The following GSK3B variants were observed in gnomAD, a reference collection of about 807,000 sequenced individuals.
GSK3B encodes the protein glycogen synthase kinase 3 beta.
A neutral mutation model predicts 56.4 loss-of-function variants in GSK3B; 15 were observed. The observed-to-expected ratio is 0.27, with a 90% CI of 0.18 to 0.41. The LOEUF (loss-of-function observed/expected upper bound fraction) is 0.41. GSK3B is among the 10% of genes least tolerant of loss of function. The pLI, the probability that GSK3B is intolerant of heterozygous loss-of-function variation, is 1.00. For missense variants in GSK3B, 300 were observed against 513.4 expected (o/e 0.58, Z 4.02); for synonymous variants, 181 against 188.9 (o/e 0.96, Z 0.34).
intron 6 of GSK3B, among the ~76,000 whole-genome samples, chr3:119,911,521 TCTC>T (rs1287721040): frequency 6.6e-6 from 1 of 152,030 alleles, no homozygotes; most frequent in African/African-American, 2.4e-5. Context: ...CAATGACACT[TCTC>T]CTCTCTAGAA....
intron 10 of GSK3B, among the ~76,000 whole-genome samples, chr3:119,831,057 C>A (rs2055590156): frequency 6.6e-6 from 1 of 152,198 alleles, no homozygotes; most frequent in Admixed American, 6.5e-5. Flanking sequence ...GCAGTCATGT[C>A]ATTTAGCTCA....
intron 9 of GSK3B, among the ~76,000 whole-genome samples, chr3:119,854,705 G>A (rs753425997): frequency 2.6e-4 from 39 of 152,278 alleles, no homozygotes; most frequent in Middle Eastern, 3.4e-3. Flanking sequence ...GTTTATTTGC[G>A]TAGAAGTGTT....
chr3:120,015,440 G>C (rs1159460158), intron 1 of GSK3B, among the ~76,000 whole-genome samples: 1 of 151,820 alleles, frequency 6.6e-6, no homozygotes, highest in East Asian at 1.9e-4. Flanking sequence ...CATGAGGTCA[G>C]GAGTTCGAGA....
intron 1 of GSK3B, among the ~76,000 whole-genome samples, chr3:120,062,016 G>A (rs1294676823): frequency 6.6e-6 from 1 of 152,164 alleles, no homozygotes; most frequent in East Asian, 1.9e-4. Flanking sequence ...ACAGGCATAA[G>A]CCACCATTTC....
At chr3:120,088,951 T>C (rs1444691233) in intron 1 of GSK3B, among the ~76,000 whole-genome samples, 1 of 152,270 alleles carries the variant, frequency 6.6e-6, no homozygotes, top group Non-Finnish European at 1.5e-5. Flanking sequence ...GCCTTCTCTA[T>C]GCATAAAGTG....
At chr3:120,068,912 T>C (rs2058303700) in intron 1 of GSK3B, among the ~76,000 whole-genome samples, 1 of 151,912 alleles carries the variant, frequency 6.6e-6, no homozygotes. Flanking sequence ...AAAAAAGTAT[T>C]CACTATCTGT....
chr3:119,836,537 TTTAG>T (rs1202531709), intron 10 of GSK3B, among the ~76,000 whole-genome samples: 78 of 152,298 alleles, frequency 5.1e-4, no homozygotes, highest in African/African-American at 1.7e-3. Flanking sequence ...CTTACAGATA[TTTAG>T]GCACTAGAAA....
intron 2 of GSK3B, among the ~76,000 whole-genome samples, chr3:119,949,127 A>T (rs1302131965): frequency 6.6e-6 from 1 of 152,248 alleles, no homozygotes; most frequent in Non-Finnish European, 1.5e-5. Context: ...CAACTATGTT[A>T]AAATAAGTTA....
chr3:119,849,957 C>A (rs2055905126), intron 9 of GSK3B, among the ~76,000 whole-genome samples: 1 of 152,028 alleles, frequency 6.6e-6, no homozygotes, highest in Non-Finnish European at 1.5e-5. Context: ...TTTAAATCAT[C>A]TCTAGATTAC....
chr3:119,912,395 GTGACACAAAGACATGA>G (rs1242959814), intron 6 of GSK3B, among the ~76,000 whole-genome samples: 1 of 151,878 alleles, frequency 6.6e-6, no homozygotes, highest in Non-Finnish European at 1.5e-5. Flanking sequence ...TTACCAAAAT[GTGACACAAAGACATGA>G]TGACACAAAG....
At position 119,971,825 on chromosome 3, in the gene GSK3B, A is replaced by G. The variant is rs548117672; in HGVS notation, c.283-24474T>C. Among the ~76,000 whole-genome samples the G allele has an allele frequency of 4.6e-5, 7 of 151,098 alleles. No homozygotes were observed. In the South Asian group the frequency reaches 1.5e-3, roughly 32 times the overall value. ...ACAGGGTTTCACCGTTTTAGCCGGG[A>G]TGGTCTCGATCTCCTGACCTCGTGA... is the stretch of plus-strand genomic sequence containing the variant. On this transcript the variant is annotated intron_variant, in intron 2 of 10. Transcript: ENST00000264235.
At chr3:119,875,026 C>T (rs992660330) in intron 8 of GSK3B, among the ~76,000 whole-genome samples, 6 of 151,998 alleles carry the variant, frequency 3.9e-5, no homozygotes, top group Admixed American at 3.9e-4. Context: ...TAAAATAAGC[C>T]TTGAATACAA....
chr3:119,962,544 T>C (rs2057282360), intron 2 of GSK3B, among the ~76,000 whole-genome samples: 1 of 151,634 alleles, frequency 6.6e-6, no homozygotes, highest in Non-Finnish European at 1.5e-5. Context: ...GCCAGAGTAA[T>C]TAGGCAAGAA....
intron 1 of GSK3B, among the ~76,000 whole-genome samples, chr3:120,013,178 T>C (rs2057794196): frequency 6.6e-6 from 1 of 152,142 alleles, no homozygotes; most frequent in Non-Finnish European, 1.5e-5. Context: ...CATGGACCCA[T>C]CCAAGGTATG....
Position 119,823,887 on chromosome 3 carries a change from G to A in GSK3B, c.*2901C>T, listed in dbSNP as rs1272678761. ...GGGTGGACAGGGAGACATGGATAAA[G>A]GAAACCAATTAAAATTTAAAAAAGA... On this transcript the variant is annotated 3_prime_UTR_variant, in exon 11 of 11. Transcript: ENST00000264235. 1 of 197,580 alleles carries A rather than the reference G, an allele frequency of 5.1e-6. No homozygotes were observed. Among genetic ancestry groups the A allele is most frequent in the Non-Finnish European group, 1.0e-5 (1 of 95,728 alleles). The allele number at this position is 197,580 out of a possible 1,614,324, so 12.2% of individuals were successfully genotyped here.
chr3:120,078,944 C>T, intron 1 of GSK3B, among the ~76,000 whole-genome samples: 1 of 145,836 alleles, frequency 6.9e-6, no homozygotes, highest in Non-Finnish European at 1.5e-5. Flanking sequence ...CACACACACA[C>T]ACTTTTTTTT....
intron 2 of GSK3B, among the ~76,000 whole-genome samples, chr3:119,970,655 C>CAGAT (rs1352009585): frequency 6.7e-6 from 1 of 148,722 alleles, no homozygotes; most frequent in East Asian, 2.0e-4. Context: ...GGCATGGTGG[C>CAGAT]AGATGCCTGT....
chr3:119,844,174 G>C (rs2055820896), intron 9 of GSK3B, among the ~76,000 whole-genome samples: 2 of 152,166 alleles, frequency 1.3e-5, no homozygotes, highest in Non-Finnish European at 2.9e-5. Context: ...AGCTAAAGCA[G>C]TGTTTAAAGG....
At chr3:119,931,477 G>C (rs1328023777) in intron 3 of GSK3B, among the ~76,000 whole-genome samples, 1 of 152,030 alleles carries the variant, frequency 6.6e-6, no homozygotes, top group African/African-American at 2.4e-5. Context: ...TTAGCCAGGC[G>C]TGGTGGCATG....
Sources: allele counts gnomAD v4.1 joint callset (sites outside exome capture counted in the v4.1 genomes callset), GRCh38; gene constraint gnomAD v4.1.1; transcripts MANE v1.5; gene names NCBI Gene and HGNC (gene_info 2026-07-23, HGNC 2026-07-21).